The following THOC2 variants were observed in gnomAD, a reference collection of about 807,000 sequenced individuals.
The protein encoded by THOC2 is THO complex subunit 2, also known as THO complex 2.
Under a neutral mutation model 128.4 loss-of-function variants are expected in THOC2, and 10 were observed. The ratio of observed to expected loss-of-function variants is 0.08; its 90% CI spans 0.05 to 0.13. The LOEUF (loss-of-function observed/expected upper bound fraction) is 0.13. Among genes scored for constraint, THOC2 ranks in the 10% least tolerant of loss-of-function variants. The probability of loss-of-function intolerance (pLI) is 1.00; values close to 1 mark genes in which losing one functional copy is unlikely to be tolerated. For missense variants in THOC2, 535 were observed against 1,155.7 expected (o/e 0.46, Z 7.79); for synonymous variants, 393 against 396.9 (o/e 0.99, Z 0.12).
rs765836951 is a variant in THOC2, at chrX:123,663,565, G to C, written c.1386+2077C>G. On this transcript the variant is annotated intron_variant, in intron 12 of 38. Coordinates refer to ENST00000245838, the MANE Select transcript of THOC2 (RefSeq NM_001081550.2). ...AAAAAAAAAAGCATAAATGGTTATG[G>C]TTAGGATAGTAACTAGAATGCAGCA... Among the ~76,000 whole-genome samples, 3 of 108,146 alleles carry C rather than the reference G, an allele frequency of 2.8e-5. No homozygotes were observed. In the East Asian group the frequency reaches 8.6e-4, roughly 31 times the overall value. The allele number at this position is 108,146 out of a possible 115,157, so 93.9% of individuals were successfully genotyped here.
At chrX:123,608,729 G>A (rs1264644063) in intron 38 of THOC2, among the ~76,000 whole-genome samples, 2 of 111,949 alleles carry the variant, frequency 1.8e-5, no homozygotes, top group Non-Finnish European at 3.8e-5. Context: ...GCAAAACAGC[G>A]AGACTTCTTT....
Position 123,647,356 on chromosome X carries a change from G to A in THOC2, c.1387-1981C>T, listed in dbSNP as rs143131401. The stretch of plus-strand genomic sequence containing the variant: ...ATTTGCTTTTTAATTCAAAGCAACT[G>A]TAAGACTCTCACATAATACTATAAG... On this transcript the variant is annotated intron_variant, in intron 12 of 38. Transcript: ENST00000245838. 7.2e-3 allele frequency among the ~76,000 whole-genome samples: 807 copies of A among 111,890 alleles called. 6 individuals are homozygous for A. Among genetic ancestry groups the A allele is most frequent in the African/African-American group, 0.024 (749 of 30,797 alleles).
chrX:123,625,737 G>A (rs768792817), intron 25 of THOC2, among the ~76,000 whole-genome samples, 175 bp downstream of exon 25: 16 of 111,650 alleles, frequency 1.4e-4, no homozygotes, highest in Admixed American at 6.7e-4. Context: ...GCACAGAGAG[G>A]TTAAATAACT....
intron 4 of THOC2, among the ~76,000 whole-genome samples, chrX:123,699,685 T>C (rs948986729): frequency 1.8e-5 from 2 of 111,725 alleles, no homozygotes; most frequent in Non-Finnish European, 3.8e-5. Context: ...GGATGGCAGA[T>C]TCATCCTCTT....
At chrX:123,681,238 C>G (rs1003812559) in intron 8 of THOC2, among the ~76,000 whole-genome samples, 3 of 110,904 alleles carry the variant, frequency 2.7e-5, no homozygotes, top group Admixed American at 1.9e-4. Flanking sequence ...TTTGGAACCC[C>G]TAAAGGGAAA....
chrX:123,665,739 T>G lies in THOC2; in HGVS notation c.1289A>C (p.Asp430Ala). 1 of 1,204,638 alleles carries G rather than the reference T, an allele frequency of 8.3e-7. No individual in the cohort carries two copies. Among genetic ancestry groups the G allele is most frequent in the Non-Finnish European group, 1.1e-6 (1 of 891,349 alleles). The change falls in exon 12 of 39, where the codon GAC becomes GCC. Residue 430 changes from aspartate to alanine, a missense_variant. Transcript: ENST00000245838. Reference sequence around the variant, plus strand: ...AAGGTAACAGAACATATTGAACACGTCTCTCCTCAAATCTTCAAAGCTCTC... The same window carrying G: ...AAGGTAACAGAACATATTGAACACGGCTCTCCTCAAATCTTCAAAGCTCTC... ...QAESFEDLRR[D>A]VFNMFCYLGP...
At chrX:123,689,639 C>T (rs1303824742) in intron 7 of THOC2, among the ~76,000 whole-genome samples, 3 of 110,901 alleles carry the variant, frequency 2.7e-5, no homozygotes, top group African/African-American at 9.9e-5. Context: ...AGGCTGGTCT[C>T]AAACTCCTAG....
chrX:123,627,152 T>A (rs986449657), intron 23 of THOC2, among the ~76,000 whole-genome samples: 1 of 112,373 alleles, frequency 8.9e-6, no homozygotes, highest in Non-Finnish European at 1.9e-5. Context: ...CAAGTCTACT[T>A]TTCTCCCTGA....
At chrX:123,663,934 CA>C (rs1163303142) in intron 12 of THOC2, among the ~76,000 whole-genome samples, 2 of 111,410 alleles carry the variant, frequency 1.8e-5, no homozygotes, top group Non-Finnish European at 3.8e-5. Flanking sequence ...CATGTCCCTG[CA>C]AAGGACATGA....
intron 12 of THOC2, among the ~76,000 whole-genome samples, chrX:123,658,742 T>C (rs1025657782): frequency 8.9e-6 from 1 of 111,896 alleles, no homozygotes; most frequent in Non-Finnish European, 1.9e-5. Flanking sequence ...TTTAGGGCAG[T>C]GATAATATTC....
chrX:123,670,710 A>G (rs1383913079), intron 9 of THOC2, among the ~76,000 whole-genome samples: 4 of 112,640 alleles, frequency 3.6e-5, no homozygotes, highest in Non-Finnish European at 7.5e-5. Context: ...CTACTTGTCT[A>G]TCAAGATCCC....
intron 4 of THOC2, among the ~76,000 whole-genome samples, chrX:123,698,031 T>C (rs1181081519): frequency 9.0e-6 from 1 of 110,647 alleles, no homozygotes; most frequent in Non-Finnish European, 1.9e-5. Flanking sequence ...TCAAAAACTA[T>C]TGTTCGCAAA....
intron 9 of THOC2, among the ~76,000 whole-genome samples, chrX:123,671,442 A>T (rs191673076): frequency 2.6e-4 from 29 of 112,080 alleles, no homozygotes; most frequent in African/African-American, 9.1e-4. Context: ...CAAAACTTAA[A>T]CTCCATAAAG....
intron 28 of THOC2, 156 bp downstream of exon 28, chrX:123,623,631 T>C (rs1453428814): frequency 8.8e-7 from 1 of 1,138,296 alleles, no homozygotes; most frequent in Non-Finnish European, 1.2e-6. Flanking sequence ...TAATCAGAAG[T>C]GGTAACTCTC....
intron 12 of THOC2, among the ~76,000 whole-genome samples, chrX:123,646,474 T>A (rs1445314481): frequency 1.8e-5 from 2 of 112,214 alleles, no homozygotes; most frequent in African/African-American, 6.5e-5. Context: ...AAAGCTAATA[T>A]GCAGATAACA....
chrX:123,691,811 T>C (rs1169011162), intron 7 of THOC2, among the ~76,000 whole-genome samples: 1 of 112,688 alleles, frequency 8.9e-6, no homozygotes, highest in Non-Finnish European at 1.9e-5. Flanking sequence ...TGATTAGTTG[T>C]TAGGCAGAAC....
intron 11 of THOC2, 46 bp from the exon 12 acceptor site, chrX:123,665,883 A>G: frequency 4.2e-6 from 3 of 715,836 alleles, no homozygotes; most frequent in Non-Finnish European, 5.6e-6. Flanking sequence ...AAATAAGTAT[A>G]TAATAAATAT....
chrX:123,618,192 TG>T (rs969303091), intron 33 of THOC2, among the ~76,000 whole-genome samples: 6 of 111,857 alleles, frequency 5.4e-5, no homozygotes, highest in African/African-American at 1.9e-4. Flanking sequence ...GTCATTAGGT[TG>T]ATGTTGTGTC....
chrX:123,636,612 A>G (rs763898022), intron 18 of THOC2, among the ~76,000 whole-genome samples: 66 of 107,722 alleles, frequency 6.1e-4, no homozygotes, highest in African/African-American at 1.9e-3. Context: ...GTGAGTCAAG[A>G]AAAAAAAAAA....
Sources: allele counts gnomAD v4.1 joint callset (sites outside exome capture counted in the v4.1 genomes callset), GRCh38; gene constraint gnomAD v4.1.1; transcripts MANE v1.5; gene names NCBI Gene and HGNC (gene_info 2026-07-23, HGNC 2026-07-21).